The following MCPH1 variants were observed in gnomAD, a reference collection of about 807,000 sequenced individuals.
The protein encoded by MCPH1 is microcephalin 1.
In MCPH1, 104 loss-of-function variants were observed where a neutral mutation model predicts 84.5. That is an observed-to-expected ratio of 1.23 (90% confidence interval 1.05 to 1.45). MCPH1 has a LOEUF of 1.45. Among genes scored for constraint, MCPH1 ranks in the 40% most tolerant of loss-of-function variants. The pLI, the probability that MCPH1 is intolerant of heterozygous loss-of-function variation, is 0.00. For missense variants in MCPH1, 1,498 were observed against 1,005.7 expected, an observed-to-expected ratio of 1.49 and a Z score of -6.62; for synonymous variants, 514 against 366.8, an observed-to-expected ratio of 1.40 and a Z score of -4.58.
intron 12 of MCPH1, chr8:6,615,835 C>T (rs1256): frequency 2.0e-5 from 3 of 151,950 alleles, no homozygotes; most frequent in South Asian, 2.1e-4. Context: ...CAGTGGGCAC[C>T]GCAATTGGAG....
chr8:6,488,362 C>G (rs756856541), intron 11 of MCPH1, among the ~76,000 whole-genome samples: 2 of 152,108 alleles, frequency 1.3e-5, no homozygotes, highest in Admixed American at 1.3e-4. Flanking sequence ...GTGCTGCCCT[C>G]TAGGAGGACA....
At chr8:6,465,924 G>GATCCATCCATCCATCCATCCATCC (rs202202756) in intron 9 of MCPH1, among the ~76,000 whole-genome samples, 1 of 148,246 alleles carries the variant, frequency 6.7e-6, no homozygotes. Flanking sequence ...TTTATCTATC[G>GATCCATCCATCCATCCATCCATCC]ATCCATCCAT....
chr8:6,588,606 G>C (rs1339002093), intron 12 of MCPH1, among the ~76,000 whole-genome samples: 2 of 152,238 alleles, frequency 1.3e-5, no homozygotes, highest in African/African-American at 2.4e-5. Flanking sequence ...CCATGTGAAC[G>C]CATTGAACTG....
At chr8:6,570,258 G>A (rs574331544) in intron 12 of MCPH1, among the ~76,000 whole-genome samples, 1 of 152,248 alleles carries the variant, frequency 6.6e-6, no homozygotes, top group South Asian at 2.1e-4. Flanking sequence ...TATAAATATA[G>A]CATTTGACAT....
At chr8:6,504,150 C>G (rs1388343559) in intron 12 of MCPH1, among the ~76,000 whole-genome samples, 1 of 151,868 alleles carries the variant, frequency 6.6e-6, no homozygotes, top group Non-Finnish European at 1.5e-5. Flanking sequence ...AACCCCGTCT[C>G]TACTAAAAAT....
At chr8:6,492,941 A>C (rs372388942) in intron 11 of MCPH1, among the ~76,000 whole-genome samples, 2 of 152,216 alleles carry the variant, frequency 1.3e-5, no homozygotes, top group South Asian at 2.1e-4. Flanking sequence ...GCTATGGCAG[A>C]GTCAAGTGCT....
At chr8:6,589,734 C>T (rs10099348) in intron 12 of MCPH1, among the ~76,000 whole-genome samples, 3,261 of 152,262 alleles carry the variant, frequency 0.021, 119 homozygotes, top group African/African-American at 0.074. Flanking sequence ...TTCCATGACA[C>T]GTGCTGCAAC....
chr8:6,596,074 G>A (rs766025242), intron 12 of MCPH1, among the ~76,000 whole-genome samples: 4 of 152,148 alleles, frequency 2.6e-5, no homozygotes, highest in South Asian at 2.1e-4. Flanking sequence ...ACAGTTTGCA[G>A]GAGCATTTAG....
At chr8:6,457,433 C>T (rs912361097) in intron 9 of MCPH1, among the ~76,000 whole-genome samples, 6 of 151,644 alleles carry the variant, frequency 4.0e-5, no homozygotes, top group Admixed American at 1.3e-4. Context: ...GGCAAAATCC[C>T]GTCTCTACAA....
At chr8:6,477,947 A>G (rs1319457188) in intron 10 of MCPH1, among the ~76,000 whole-genome samples, 3 of 152,212 alleles carry the variant, frequency 2.0e-5, no homozygotes, top group African/African-American at 7.2e-5. Context: ...CATTTCCCTT[A>G]AAGGTCTTAA....
chr8:6,509,474 G>A lies in MCPH1; in HGVS notation c.2214+9545G>A, dbSNP rs149827664. On this transcript the variant is annotated intron_variant, in intron 12 of 13. Transcript: ENST00000344683. ...AACATTATTTTCCGCAGGGGGCCCC[G>A]GGGGGGATGGAGAATGCAGCAGACA... 4.8e-3 allele frequency among the ~76,000 whole-genome samples: 729 copies of A among 152,042 alleles called. 10 individuals are homozygous for A. The highest frequency in any genetic ancestry group is 0.017 in the African/African-American group (713 of 41,546).
chr8:6,509,049 C>T, intron 12 of MCPH1: 1 of 1,614,010 alleles, frequency 6.2e-7, no homozygotes, highest in Non-Finnish European at 8.5e-7. Context: ...CCTGTAAGTC[C>T]TTTAAGGTGA....
intron 12 of MCPH1, among the ~76,000 whole-genome samples, chr8:6,543,401 T>G (rs1035147635): frequency 4.6e-5 from 7 of 152,160 alleles, no homozygotes; most frequent in African/African-American, 1.7e-4. Context: ...TGTGCTTTCC[T>G]GGGTTAGAGT....
chr8:6,586,970 C>T (rs1488073249), intron 12 of MCPH1, among the ~76,000 whole-genome samples: 2 of 152,062 alleles, frequency 1.3e-5, no homozygotes, highest in Non-Finnish European at 2.9e-5. Flanking sequence ...AGCCGAGCCC[C>T]GTTGCAGGCA....
At chr8:6,616,751 C>G (rs769101984) in intron 12 of MCPH1, 14 of 152,298 alleles carry the variant, frequency 9.2e-5, no homozygotes, top group Non-Finnish European at 1.8e-4. Context: ...GGAACTCTTT[C>G]AAACCCCACC....
At chr8:6,567,894 T>G (rs78775821) in intron 12 of MCPH1, among the ~76,000 whole-genome samples, 11,226 of 152,250 alleles carry the variant, frequency 0.074, 492 homozygotes, top group East Asian at 0.11. Context: ...GTTCCCAAAA[T>G]CCACCTGCCT....
intron 12 of MCPH1, among the ~76,000 whole-genome samples, chr8:6,617,939 C>CTATCTATCTATCTATG (rs1269836042): frequency 4.0e-5 from 6 of 151,838 alleles, no homozygotes; most frequent in Non-Finnish European, 5.9e-5. Flanking sequence ...ATCTATCTAT[C>CTATCTATCTATCTATG]TATCTTTCTA....
chr8:6,628,299 T>C (rs1473184800), intron 13 of MCPH1, among the ~76,000 whole-genome samples: 2 of 151,600 alleles, frequency 1.3e-5, no homozygotes, highest in Admixed American at 6.6e-5. Flanking sequence ...TGAAACCCCG[T>C]CTCTATTAAA....
At chr8:6,440,538 A>G (rs1803357168) in intron 6 of MCPH1, among the ~76,000 whole-genome samples, 1 of 152,216 alleles carries the variant, frequency 6.6e-6, no homozygotes, top group African/African-American at 2.4e-5. Context: ...TGATAGATAT[A>G]GTCAAATTAT....
Sources: gnomAD v4.1 joint callset for allele counts (sites outside exome capture counted in the v4.1 genomes callset) on GRCh38, gnomAD v4.1.1 for gene constraint, MANE v1.5 for transcripts, NCBI Gene and HGNC (gene_info 2026-07-23, HGNC 2026-07-21) for gene names.